CNTNAP2: variants seen among roughly 807,000 people sequenced by gnomAD.
CNTNAP2 encodes contactin-associated protein-like 2.
Under a neutral mutation model 155.2 loss-of-function variants are expected in CNTNAP2, and 98 were observed. The observed-to-expected ratio is 0.63, with a 90% CI of 0.54 to 0.75. The LOEUF is 0.75. Among genes scored for constraint, CNTNAP2 ranks in the 30% least tolerant of loss-of-function variants. CNTNAP2 has a pLI of 0.00. For synonymous variants in CNTNAP2, 651 were observed against 631.2 expected, an observed-to-expected ratio of 1.03 and a Z score of -0.47; for missense variants, 1,727 against 1,688.1, an observed-to-expected ratio of 1.02 and a Z score of -0.40.
intron 4 of CNTNAP2, among the ~76,000 whole-genome samples, chr7:147,104,817 A>G (rs1437048794): frequency 7.6e-5 from 11 of 145,196 alleles, no homozygotes; most frequent in Admixed American, 5.6e-4. Context: ...TGACTAACTG[A>G]AATGAAATTC....
chr7:146,954,738 T>C (rs1414253806), intron 3 of CNTNAP2, among the ~76,000 whole-genome samples: 1 of 151,916 alleles, frequency 6.6e-6, no homozygotes, highest in African/African-American at 2.4e-5. Flanking sequence ...ATTTAAATGT[T>C]ATACTCTCTT....
At chr7:147,141,707 T>A (rs1297364314) in intron 8 of CNTNAP2, among the ~76,000 whole-genome samples, 1 of 152,090 alleles carries the variant, frequency 6.6e-6, no homozygotes, top group Admixed American at 6.5e-5. Context: ...TGTTACATGA[T>A]CACACAGGAT....
In CNTNAP2 at chr7:146,627,488, C is replaced by T. The variant is rs150412295; in HGVS notation, c.98-146783C>T. On this transcript the variant is annotated intron_variant, in intron 1 of 23. Coordinates refer to ENST00000361727, the MANE Select transcript of CNTNAP2 (RefSeq NM_014141.6). ...AGCATTAAAAGAATGAGTAAAATCC[C>T]AAATCAAAGTTTAGAATATACTAAA... Among the ~76,000 whole-genome samples, 320 of 152,098 alleles carry T rather than the reference C, an allele frequency of 2.1e-3. 2 individuals are homozygous for T. Among genetic ancestry groups the T allele is most frequent in the African/African-American group, 7.4e-3 (307 of 41,494 alleles).
At chr7:146,910,414 G>C (rs1796246782) in intron 3 of CNTNAP2, among the ~76,000 whole-genome samples, 1 of 148,708 alleles carries the variant, frequency 6.7e-6, no homozygotes, top group South Asian at 2.1e-4. Flanking sequence ...ATACTACAAG[G>C]CTACAGTAAC....
chr7:146,912,811 A>G (rs1000104449), intron 3 of CNTNAP2, among the ~76,000 whole-genome samples: 2 of 152,130 alleles, frequency 1.3e-5, no homozygotes, highest in African/African-American at 4.8e-5. Context: ...CCCTAAGCCA[A>G]TTACTGTGCT....
intron 1 of CNTNAP2, among the ~76,000 whole-genome samples, chr7:146,665,800 A>AAAAAAAAAAAC (rs1563179456): frequency 2.1e-5 from 3 of 144,706 alleles, no homozygotes; most frequent in African/African-American, 8.0e-5. Context: ...AAAAAAAAAT[A>AAAAAAAAAAAC]CATTTTGTAA....
rs1296678792 is a variant in CNTNAP2 at position 147,293,586 on chromosome 7, C to T, written c.1349-6555C>T. Among the ~76,000 whole-genome samples, 4 of 152,078 alleles carry T rather than the reference C, an allele frequency of 2.6e-5. No homozygotes were observed. In the East Asian group the frequency reaches 7.7e-4, roughly 29 times the overall value. ...ATATTGATCACAAGACTGAAAACTC[C>T]AGTCACTGTAATTTTACTTGAAGCA... On this transcript the variant is annotated intron_variant, in intron 8 of 23. Transcript: ENST00000361727.
chr7:146,364,373 C>T (rs1240738767), intron 1 of CNTNAP2, among the ~76,000 whole-genome samples: 1 of 152,180 alleles, frequency 6.6e-6, no homozygotes. Context: ...ATGCAACTCA[C>T]TGCTGACAGA....
chr7:147,887,649 A>C (rs1799624315), intron 13 of CNTNAP2, among the ~76,000 whole-genome samples: 1 of 152,196 alleles, frequency 6.6e-6, no homozygotes, highest in African/African-American at 2.4e-5. Flanking sequence ...TGCAACCAGC[A>C]GCTTTTCTTT....
intron 8 of CNTNAP2, among the ~76,000 whole-genome samples, chr7:147,202,106 C>T (rs1399059951): frequency 6.6e-6 from 1 of 151,224 alleles, no homozygotes; most frequent in African/African-American, 2.4e-5. Context: ...TAAGAAAATT[C>T]TCAAGATAGA....
intron 13 of CNTNAP2, among the ~76,000 whole-genome samples, chr7:147,824,713 A>T (rs1798420681): frequency 6.8e-6 from 1 of 146,540 alleles, no homozygotes; most frequent in Non-Finnish European, 1.5e-5. Context: ...ACCCAAAAAA[A>T]CCCTCTTTTA....
intron 3 of CNTNAP2, among the ~76,000 whole-genome samples, chr7:146,840,236 A>G (rs1046784567): frequency 6.6e-6 from 1 of 152,226 alleles, no homozygotes; most frequent in East Asian, 1.9e-4. Flanking sequence ...GAAGACAGCG[A>G]TCTTCAATTG....
chr7:146,271,099 T>C (rs191358568), intron 1 of CNTNAP2, among the ~76,000 whole-genome samples: 151 of 152,272 alleles, frequency 9.9e-4, no homozygotes, highest in Non-Finnish European at 1.6e-3. Context: ...TCTCAGAATG[T>C]GTTGTCCTAT....
rs80071847 is a variant in CNTNAP2, at chr7:147,214,275, G to A, written c.1348+81766G>A. 2.5e-3 allele frequency among the ~76,000 whole-genome samples: 386 copies of A among 152,158 alleles called. 3 individuals carry two copies. Among genetic ancestry groups the A allele is most frequent in the African/African-American group, 8.7e-3 (361 of 41,524 alleles). ...TAGGAATGTTAGCAAAACACCATAC[G>A]GTGAGACAGCAAAGCACAGTGGCTT... On this transcript the variant is annotated intron_variant, in intron 8 of 23. Transcript: ENST00000361727.
chr7:147,407,512 C>T (rs1266757078), intron 10 of CNTNAP2, among the ~76,000 whole-genome samples: 1 of 135,142 alleles, frequency 7.4e-6, no homozygotes, highest in Non-Finnish European at 1.6e-5. Flanking sequence ...AAAGAAATAC[C>T]ATACACATGA....
intron 3 of CNTNAP2, among the ~76,000 whole-genome samples, chr7:146,927,628 T>A (rs950319436): frequency 1.3e-5 from 2 of 150,714 alleles, no homozygotes; most frequent in African/African-American, 5.0e-5. Flanking sequence ...CACTGCCTTT[T>A]TTTCGTTAAG....
chr7:146,762,925 A>C (rs961223379), intron 1 of CNTNAP2, among the ~76,000 whole-genome samples: 3 of 152,196 alleles, frequency 2.0e-5, no homozygotes, highest in African/African-American at 7.2e-5. Context: ...GGTCCCTCCC[A>C]TGACATGTGG....
chr7:147,084,566 A>G (rs890970919), intron 4 of CNTNAP2, among the ~76,000 whole-genome samples: 2 of 145,998 alleles, frequency 1.4e-5, no homozygotes, highest in Non-Finnish European at 3.0e-5. Context: ...TAATATATAC[A>G]TGTATATACA....
chr7:147,920,437 C>T (rs1800254062), intron 14 of CNTNAP2, among the ~76,000 whole-genome samples: 1 of 151,094 alleles, frequency 6.6e-6, no homozygotes, highest in East Asian at 2.0e-4. Flanking sequence ...CCATCACTTG[C>T]TGATGCTGAG....
Sources: allele counts gnomAD v4.1 joint callset (sites outside exome capture counted in the v4.1 genomes callset), GRCh38; gene constraint gnomAD v4.1.1; transcripts MANE v1.5; gene names NCBI Gene and HGNC (gene_info 2026-07-23, HGNC 2026-07-21).